The following STAT5B variants were observed in gnomAD, a reference collection of about 807,000 sequenced individuals.
STAT5B encodes the protein transcription factor STAT5B.
In STAT5B, 21 loss-of-function variants were observed where a neutral mutation model predicts 107.8. The ratio of observed to expected loss-of-function variants is 0.19; its 90% CI spans 0.14 to 0.28. The LOEUF (loss-of-function observed/expected upper bound fraction) is 0.28, where lower values mean the gene tolerates loss of function less well. Among genes scored for constraint, STAT5B ranks in the 10% least tolerant of loss-of-function variants. The pLI is 1.00. For missense variants in STAT5B, 565 were observed against 1,008.2 expected (o/e 0.56, Z 5.95); for synonymous variants, 325 against 401.7 (o/e 0.81, Z 2.28).
At chr17:42,272,624 G>C (rs2080730565) in intron 1 of STAT5B, 1 of 151,986 alleles carries the variant, frequency 6.6e-6, no homozygotes, top group Non-Finnish European at 1.5e-5. Context: ...TAGCGCAAAG[G>C]GTCAGAGACA....
intron 1 of STAT5B, among the ~76,000 whole-genome samples, chr17:42,242,848 CAT>C (rs1403592925): frequency 2.6e-5 from 4 of 152,104 alleles, no homozygotes; most frequent in Admixed American, 6.6e-5. Flanking sequence ...CTCTCTGAAA[CAT>C]GTGCTGTATC....
chr17:42,267,999 T>C (rs1450156714), intron 1 of STAT5B, among the ~76,000 whole-genome samples: 1 of 151,080 alleles, frequency 6.6e-6, no homozygotes, highest in Non-Finnish European at 1.5e-5. Context: ...AAAGTAAAAG[T>C]ATTACAGTAG....
intron 2 of STAT5B, among the ~76,000 whole-genome samples, 199 bp downstream of exon 2, chr17:42,231,800 AT>A (rs1396321999): frequency 1.3e-5 from 2 of 152,230 alleles, no homozygotes; most frequent in Non-Finnish European, 2.9e-5. Flanking sequence ...CCCAAGAGTT[AT>A]TCCATCCCCT....
intron 16 of STAT5B, 71 bp downstream of exon 16, chr17:42,207,487 G>GCACACACACACA (rs57356051): frequency 4.2e-6 from 5 of 1,198,652 alleles, no homozygotes; most frequent in African/African-American, 3.2e-5. Flanking sequence ...ACGCAGGTAT[G>GCACACACACACA]CACACACACA....
chr17:42,262,706 A>C (rs969444506), intron 1 of STAT5B, among the ~76,000 whole-genome samples: 12 of 149,106 alleles, frequency 8.0e-5, no homozygotes, highest in Non-Finnish European at 1.6e-4. Flanking sequence ...TTTTTTTCAA[A>C]ACATCTTCAA....
the STAT5B span, among the ~76,000 whole-genome samples, chr17:42,283,101 G>T: frequency 7.2e-5 from 11 of 152,200 alleles, no homozygotes; most frequent in African/African-American, 2.7e-4. Context: ...CAGCCCCCTC[G>T]CACACAACCC....
At chr17:42,203,777 C>T (rs1236602163) in intron 16 of STAT5B, among the ~76,000 whole-genome samples, 2 of 152,048 alleles carry the variant, frequency 1.3e-5, no homozygotes, top group Non-Finnish European at 2.9e-5. Flanking sequence ...CAGGTGCGCA[C>T]CACCATGCCC....
chr17:42,212,907 C>A (rs146883664), intron 12 of STAT5B, among the ~76,000 whole-genome samples: 17 of 152,356 alleles, frequency 1.1e-4, no homozygotes, highest in African/African-American at 3.8e-4. Context: ...TTTAAAGGCA[C>A]CTAACACAGT....
At chr17:42,250,448 C>T (rs2080488992) in intron 1 of STAT5B, among the ~76,000 whole-genome samples, 1 of 152,144 alleles carries the variant, frequency 6.6e-6, no homozygotes, top group Admixed American at 6.6e-5. Flanking sequence ...CATTTCCAAG[C>T]CCTTCCTATA....
chr17:42,283,754 C>T, the STAT5B span, among the ~76,000 whole-genome samples: 1 of 152,206 alleles, frequency 6.6e-6, no homozygotes, highest in East Asian at 1.9e-4. Flanking sequence ...AAACACACAC[C>T]CTCCCTAGGT....
At position 42,218,233 on chromosome 17, in the gene STAT5B, G is replaced by T; in HGVS notation, c.1087C>A (p.His363Asn). ...GCCTTCACCTGGGGGGGGTTCATGT[G>T]CACGTTCAGCTTCCCGCCCACCAGC... ...RLLVGGKLNV[H>N]MNPPQVKATI... The change falls in exon 9 of 19, where the codon CAC becomes AAC. Residue 363 changes from histidine (H) to asparagine (N), a missense_variant. Physicochemically the swap from His to Asn is moderately conservative, Grantham distance 68. Coordinates refer to ENST00000293328, the MANE Select transcript of STAT5B (RefSeq NM_012448.4). 6.2e-7 allele frequency: 1 copy of T among 1,614,150 alleles called. No individual in the cohort carries two copies. Among genetic ancestry groups the T allele is most frequent in the Non-Finnish European group, 8.5e-7 (1 of 1,180,032 alleles).
chr17:42,206,277 A>G (rs559069553), intron 16 of STAT5B, among the ~76,000 whole-genome samples: 9 of 152,192 alleles, frequency 5.9e-5, no homozygotes, highest in African/African-American at 2.2e-4. Context: ...TTTAGTAGAG[A>G]TGGGGTTTCA....
rs1422989921 is a variant in STAT5B, at chr17:42,200,582, G to T, written c.*1156C>A. 6.5e-6 allele frequency: 1 copy of T among 153,148 alleles called. No individual in the cohort carries two copies. The highest frequency in any genetic ancestry group is 2.4e-5 in the African/African-American group (1 of 41,446). The allele number at this position is 153,148 out of a possible 1,614,324, so 9.5% of individuals were successfully genotyped here. A position where few individuals can be genotyped will look rare whatever the true frequency, so the allele number is the denominator to read the frequency against. ...TGACCCGCTAAGCAAGCTGGCCTAGGTTCAGCCCACACTGCTGCTACCTAC... is the reference window on the plus strand; with the variant it reads ...TGACCCGCTAAGCAAGCTGGCCTAGTTTCAGCCCACACTGCTGCTACCTAC... On this transcript the variant is annotated 3_prime_UTR_variant, in exon 19 of 19. Transcript: ENST00000293328.
At position 42,218,334 on chromosome 17, in the gene STAT5B, C is replaced by G; in HGVS notation, c.990-4G>C. On this transcript the variant is annotated splice_region_variant and splice_polypyrimidine_tract_variant and intron_variant, in intron 8 of 18. Coordinates refer to ENST00000293328, the MANE Select transcript of STAT5B (RefSeq NM_012448.4). ...CTGCTTCTCAATGATGAACGTGCTG[C>G]AGGGGACACAGGGACAGATGCATGA... 6.2e-7 allele frequency: 1 copy of G among 1,612,002 alleles called. No individual in the cohort carries two copies. Among genetic ancestry groups the G allele is most frequent in the Non-Finnish European group, 8.5e-7 (1 of 1,179,078 alleles).
chr17:42,285,128 T>G, the STAT5B span, among the ~76,000 whole-genome samples: 1 of 151,934 alleles, frequency 6.6e-6, no homozygotes, highest in Non-Finnish European at 1.5e-5. Context: ...CTGACTCTGT[T>G]GCCCAGGCTG....
intron 1 of STAT5B, among the ~76,000 whole-genome samples, chr17:42,243,422 T>A (rs775968252): frequency 9.2e-5 from 14 of 152,154 alleles, no homozygotes; most frequent in Non-Finnish European, 1.8e-4. Flanking sequence ...TATTACTTTA[T>A]CACTGCTAAA....
intron 1 of STAT5B, chr17:42,275,659 A>AG (rs1388441176): frequency 6.6e-6 from 1 of 152,150 alleles, no homozygotes; most frequent in Non-Finnish European, 1.5e-5. Flanking sequence ...GCACGAGCCC[A>AG]GGCCTGGCGG....
intron 1 of STAT5B, chr17:42,272,597 G>A (rs1028932035): frequency 3.3e-5 from 5 of 152,136 alleles, no homozygotes; most frequent in Admixed American, 3.3e-4. Context: ...GCTTCACTCA[G>A]TAAAGCTGTC....
rs1042896775 is a variant in STAT5B, at chr17:42,217,448, T to C, written c.1186A>G (p.Ile396Val). 1 of 1,614,174 alleles carries C rather than the reference T, an allele frequency of 6.2e-7. No individual in the cohort carries two copies. The highest frequency in any genetic ancestry group is 8.5e-7 in the Non-Finnish European group (1 of 1,180,026). The change falls in exon 10 of 19, where the codon ATC (isoleucine) becomes GTC (valine). Residue 396 changes from isoleucine to valine, a missense_variant. Transcript: ENST00000293328. ...ENTRNDYSGE[I>V]LNNCCVMEYH... Reference sequence around the variant, plus strand: ...TCCATGACGCAGCAGTTGTTCAAGATCTCGCCACTGTAATCACTGCAAATC... The same window carrying C: ...TCCATGACGCAGCAGTTGTTCAAGACCTCGCCACTGTAATCACTGCAAATC...
Sources: allele counts gnomAD v4.1 joint callset (sites outside exome capture counted in the v4.1 genomes callset), GRCh38; gene constraint gnomAD v4.1.1; transcripts MANE v1.5; gene names NCBI Gene and HGNC (gene_info 2026-07-23, HGNC 2026-07-21).